The following RETREG1 variants were observed in gnomAD, a reference collection of about 807,000 sequenced individuals.
The protein encoded by RETREG1 is reticulophagy regulator 1.
RETREG1 carries 44 observed loss-of-function variants against 54.8 expected under a neutral mutation model. The observed-to-expected ratio is 0.80, with a 90% CI of 0.63 to 1.03. The LOEUF is 1.03. RETREG1 is among the 50% of genes least tolerant of loss of function. The pLI, the probability that RETREG1 is intolerant of heterozygous loss-of-function variation, is 0.00. For synonymous variants in RETREG1, 217 were observed against 238.5 expected (o/e 0.91, Z 0.83); for missense variants, 554 against 605.1 (o/e 0.92, Z 0.89).
chr5:16,478,588 G>A (rs1738636654), intron 6 of RETREG1, among the ~76,000 whole-genome samples: 2 of 152,088 alleles, frequency 1.3e-5, no homozygotes, highest in Admixed American at 1.3e-4. Context: ...TAAATCATAA[G>A]TAGCACAATA....
At chr5:16,583,659 T>C (rs566932021) in intron 1 of RETREG1, among the ~76,000 whole-genome samples, 23 of 152,314 alleles carry the variant, frequency 1.5e-4, no homozygotes, top group African/African-American at 5.5e-4. Flanking sequence ...AAATAGTTCA[T>C]ACACACGCAA....
intron 3 of RETREG1, among the ~76,000 whole-genome samples, chr5:16,517,057 T>C (rs748766725): frequency 2.0e-5 from 3 of 151,928 alleles, no homozygotes; most frequent in Admixed American, 6.6e-5. Context: ...CTAAGGAGCA[T>C]GGGAACGAGG....
intron 3 of RETREG1, among the ~76,000 whole-genome samples, chr5:16,493,594 TAA>T (rs200165580): frequency 0.012 from 1,872 of 152,296 alleles, 15 homozygotes; most frequent in Non-Finnish European, 0.017. Context: ...CATTTAGATA[TAA>T]GTCTTTTCTT....
At chr5:16,508,308 G>C (rs775412792) in intron 3 of RETREG1, among the ~76,000 whole-genome samples, 18 of 152,148 alleles carry the variant, frequency 1.2e-4, no homozygotes, top group Non-Finnish European at 2.5e-4. Flanking sequence ...ATTATGTGCT[G>C]GGAAACACTT....
intron 3 of RETREG1, among the ~76,000 whole-genome samples, chr5:16,490,767 G>GA (rs1015275769): frequency 6.6e-6 from 1 of 152,150 alleles, no homozygotes; most frequent in Non-Finnish European, 1.5e-5. Context: ...GCGAGATACA[G>GA]AAAAAACACT....
chr5:16,536,492 C>G (rs574794618), intron 3 of RETREG1, among the ~76,000 whole-genome samples: 2 of 152,230 alleles, frequency 1.3e-5, no homozygotes, highest in African/African-American at 4.8e-5. Flanking sequence ...GAATCGCCAG[C>G]CTGGTTCACC....
intron 3 of RETREG1, among the ~76,000 whole-genome samples, chr5:16,502,627 C>G (rs1739762685): frequency 6.6e-6 from 1 of 152,214 alleles, no homozygotes; most frequent in East Asian, 1.9e-4. Flanking sequence ...AACTAGAAGA[C>G]AGTATAACAG....
At chr5:16,575,229 G>A (rs1402121524) in intron 1 of RETREG1, among the ~76,000 whole-genome samples, 5 of 152,062 alleles carry the variant, frequency 3.3e-5, no homozygotes, top group East Asian at 1.9e-4. Flanking sequence ...TCTATTACGC[G>A]TTTAAATGCT....
chr5:16,532,322 C>T (rs547960195), intron 3 of RETREG1, among the ~76,000 whole-genome samples: 6 of 152,198 alleles, frequency 3.9e-5, no homozygotes, highest in African/African-American at 1.4e-4. Context: ...GTCAGGAGTT[C>T]GAGACCAGCC....
chr5:16,493,725 T>C (rs1739339977), intron 3 of RETREG1, among the ~76,000 whole-genome samples: 2 of 152,126 alleles, frequency 1.3e-5, no homozygotes, highest in Admixed American at 1.3e-4. Flanking sequence ...ATATGAAACC[T>C]GTGAGGATAC....
At chr5:16,485,141 G>A (rs957854318) in intron 3 of RETREG1, among the ~76,000 whole-genome samples, 2 of 152,130 alleles carry the variant, frequency 1.3e-5, no homozygotes, top group Non-Finnish European at 2.9e-5. Flanking sequence ...AATGCAGTCT[G>A]TTTTCTCAGA....
chr5:16,596,385 G>A (rs545905860), intron 1 of RETREG1, among the ~76,000 whole-genome samples: 16 of 152,166 alleles, frequency 1.1e-4, no homozygotes, highest in Non-Finnish European at 1.9e-4. Context: ...TCCCTGCTAC[G>A]CAGACTGGCA....
At chr5:16,556,265 T>G (rs1741704889) in intron 3 of RETREG1, among the ~76,000 whole-genome samples, 1 of 151,938 alleles carries the variant, frequency 6.6e-6, no homozygotes, top group Non-Finnish European at 1.5e-5. Flanking sequence ...TTCACGCCAT[T>G]CTCCTGCCTC....
At chr5:16,542,570 C>T (rs1443167824) in intron 3 of RETREG1, among the ~76,000 whole-genome samples, 1 of 152,140 alleles carries the variant, frequency 6.6e-6, no homozygotes, top group East Asian at 1.9e-4. Flanking sequence ...CCTAAGTAAA[C>T]ACAGCTCATA....
chr5:16,527,503 G>T (rs182523228), intron 3 of RETREG1, among the ~76,000 whole-genome samples: 235 of 152,266 alleles, frequency 1.5e-3, no homozygotes, highest in African/African-American at 5.4e-3. Flanking sequence ...AGGAAGAATG[G>T]CTGAAATGGC....
At chr5:16,498,212 G>C (rs898332659) in intron 3 of RETREG1, among the ~76,000 whole-genome samples, 2 of 151,630 alleles carry the variant, frequency 1.3e-5, no homozygotes, top group Non-Finnish European at 2.9e-5. Context: ...TTCTGTCATT[G>C]TGTGAACACC....
chr5:16,544,688 C>T (rs573622926), intron 3 of RETREG1, among the ~76,000 whole-genome samples: 6 of 152,302 alleles, frequency 3.9e-5, no homozygotes, highest in African/African-American at 7.2e-5. Context: ...CATCCTTTTA[C>T]CAATGAGCTG....
intron 3 of RETREG1, among the ~76,000 whole-genome samples, chr5:16,493,470 C>T (rs750136832): frequency 1.3e-5 from 2 of 152,202 alleles, no homozygotes; most frequent in Non-Finnish European, 2.9e-5. Context: ...GCTTCAATCA[C>T]TGTCCCTGAG....
At chr5:16,526,043 T>C (rs1740707735) in intron 3 of RETREG1, among the ~76,000 whole-genome samples, 1 of 152,154 alleles carries the variant, frequency 6.6e-6, no homozygotes, top group Non-Finnish European at 1.5e-5. Context: ...ACCACATTGA[T>C]CACATCTGAA....
Sources: gnomAD v4.1 joint callset for allele counts (sites outside exome capture counted in the v4.1 genomes callset) on GRCh38, gnomAD v4.1.1 for gene constraint, MANE v1.5 for transcripts, NCBI Gene and HGNC (gene_info 2026-07-23, HGNC 2026-07-21) for gene names.